SLC75A1: variants seen among roughly 807,000 people sequenced by gnomAD.
SLC75A1 encodes the protein solute carrier family 75 member 1.
At chr4:2,933,822 C>T in the SLC75A1 span, 1 of 1,590,264 alleles carries the variant, frequency 6.3e-7, no homozygotes, top group Middle Eastern at 1.7e-4. Flanking sequence ...CCAGGAGGTC[C>T]AGCAGGAGGC....
chr4:2,933,174 G>A, the SLC75A1 span: 4 of 1,613,708 alleles, frequency 2.5e-6, no homozygotes, highest in East Asian at 2.2e-5. Context: ...GGCGCACACA[G>A]AAACTGCAGG....
chr4:2,932,808 A>C, the SLC75A1 span: 4 of 1,523,122 alleles, frequency 2.6e-6, no homozygotes, highest in African/African-American at 5.6e-5. Flanking sequence ...TAAGGCCAGG[A>C]GTGGCTCAGA....
the SLC75A1 span, chr4:2,934,313 ACCCCAACCCCAG>A: frequency 4.1e-6 from 1 of 241,224 alleles, no homozygotes; most frequent in East Asian, 1.0e-4. Context: ...CCCGATCCCA[ACCCCAACCCCAG>A]CCCCGGCCCG....
chr4:2,933,915 C>T, the SLC75A1 span: 1 of 1,564,210 alleles, frequency 6.4e-7, no homozygotes, highest in East Asian at 2.4e-5. Context: ...CACCCCCTCC[C>T]CATCCCATGG....
the SLC75A1 span, chr4:2,932,002 C>T: frequency 3.7e-6 from 6 of 1,605,544 alleles, no homozygotes; most frequent in Non-Finnish European, 5.1e-6. Flanking sequence ...CGGGGAAGCC[C>T]AGGGGAGAGC....
chr4:2,931,264 A>AACGG, the SLC75A1 span: 13 of 1,558,840 alleles, frequency 8.3e-6, no homozygotes, highest in African/African-American at 2.7e-5. Context: ...AGGGCACCAC[A>AACGG]ACGGCGGCGG....
chr4:2,930,900 A>T, the SLC75A1 span: 1 of 1,613,034 alleles, frequency 6.2e-7, no homozygotes, highest in Non-Finnish European at 8.5e-7. Context: ...AAGGGGAGCA[A>T]AAAGAGCCCG....
the SLC75A1 span, chr4:2,932,498 C>T: frequency 9.3e-6 from 15 of 1,613,648 alleles, no homozygotes; most frequent in Non-Finnish European, 1.2e-5. Flanking sequence ...GTGAGAAGGC[C>T]ACCCCAATGA....
the SLC75A1 span, chr4:2,932,681 C>T: frequency 6.2e-7 from 1 of 1,610,068 alleles, no homozygotes; most frequent in Non-Finnish European, 8.5e-7. Flanking sequence ...TGCTGATGCC[C>T]CCAATCAGCC....
At chr4:2,931,449 A>C in the SLC75A1 span, 1 of 1,566,502 alleles carries the variant, frequency 6.4e-7, no homozygotes, top group Non-Finnish European at 8.6e-7. Flanking sequence ...GAAGGCGGGC[A>C]CCAGCAGCAG....
At chr4:2,933,473 C>T in the SLC75A1 span, 9 of 1,380,148 alleles carry the variant, frequency 6.5e-6, no homozygotes, top group African/African-American at 1.0e-4. Flanking sequence ...AGTGGGAAGG[C>T]AAGGACCGAG....
the SLC75A1 span, chr4:2,931,217 G>A: frequency 6.4e-7 from 1 of 1,562,998 alleles, no homozygotes; most frequent in Non-Finnish European, 8.7e-7. Context: ...GCCGAGGGAA[G>A]GGGGCTCACC....
the SLC75A1 span, chr4:2,934,276 A>C: frequency 3.5e-6 from 1 of 287,158 alleles, no homozygotes; most frequent in Non-Finnish European, 6.5e-6. Context: ...AGCCGCGGGG[A>C]ACCCGGATCC....
chr4:2,934,319 A>ACCCCAG, the SLC75A1 span: 1 of 217,458 alleles, frequency 4.6e-6, no homozygotes, highest in Admixed American at 5.2e-5. Context: ...CCCAACCCCA[A>ACCCCAG]CCCCAGCCCC....
At chr4:2,932,861 A>G in the SLC75A1 span, 2 of 1,406,588 alleles carry the variant, frequency 1.4e-6, no homozygotes, top group South Asian at 1.4e-5. Context: ...ACCCTGCCCT[A>G]TTTCGAAGCA....
chr4:2,932,529 C>T, the SLC75A1 span: 2 of 1,613,094 alleles, frequency 1.2e-6, no homozygotes, highest in Non-Finnish European at 1.7e-6. Flanking sequence ...AAAAGACCAC[C>T]CGAGCTGCAC....
At chr4:2,932,815 C>G in the SLC75A1 span, 1 of 1,517,426 alleles carries the variant, frequency 6.6e-7, no homozygotes, top group Non-Finnish European at 8.8e-7. Flanking sequence ...AGGAGTGGCT[C>G]AGAGTAGGGC....
At chr4:2,931,685 C>T in the SLC75A1 span, 29 of 1,603,484 alleles carry the variant, frequency 1.8e-5, no homozygotes, top group Non-Finnish European at 2.0e-5. Context: ...TGTGTTAGTG[C>T]AGGGCACCCG....
the SLC75A1 span, chr4:2,934,326 C>T: frequency 4.4e-6 from 1 of 228,330 alleles, no homozygotes; most frequent in East Asian, 1.1e-4. Context: ...CCAACCCCAG[C>T]CCCGGCCCGC....
Sources: allele counts gnomAD v4.1 joint callset, GRCh38; gene constraint gnomAD v4.1.1; transcripts MANE v1.5; gene names NCBI Gene and HGNC (gene_info 2026-07-23, HGNC 2026-07-21).